Variants in MTF2 observed in about 807,000 individuals in gnomAD.
MTF2 encodes metal response element binding transcription factor 2.
A neutral mutation model predicts 79.5 loss-of-function variants in MTF2; 11 were observed. That is an observed-to-expected ratio of 0.14 (90% CI 0.09 to 0.23). The LOEUF (loss-of-function observed/expected upper bound fraction) is 0.23. Among genes scored for constraint, MTF2 ranks in the 10% least tolerant of loss-of-function variants. The pLI, the probability that MTF2 is intolerant of heterozygous loss-of-function variation, is 1.00. For synonymous variants in MTF2, 208 were observed against 232.8 expected (o/e 0.89, Z 0.97); for missense variants, 486 against 711.2 (o/e 0.68, Z 3.60).
At chr1:93,123,307 G>A (rs1571246842) in intron 9 of MTF2, among the ~76,000 whole-genome samples, 1 of 144,618 alleles carries the variant, frequency 6.9e-6, no homozygotes, top group Admixed American at 7.1e-5. Flanking sequence ...GAGTGCAATG[G>A]TACAGTCATA....
In MTF2 at chr1:93,086,153, A is replaced by G. The variant is rs575363463; in HGVS notation, c.5+6622A>G. Reference sequence around the variant, plus strand: ...CTGTATATGTAATCTGTCGTTGACCAAAGTTTTACTGTGTAGCACATGACT... The same window carrying G: ...CTGTATATGTAATCTGTCGTTGACCGAAGTTTTACTGTGTAGCACATGACT... On this transcript the variant is annotated intron_variant, in intron 1 of 14. Coordinates refer to ENST00000370298, the MANE Select transcript of MTF2 (RefSeq NM_007358.4). Among the ~76,000 whole-genome samples the G allele has an allele frequency of 1.1e-3, 170 of 152,306 alleles. 1 individual carries two copies. The highest frequency in any genetic ancestry group is 3.5e-3 in the African/African-American group (146 of 41,576).
intron 3 of MTF2, among the ~76,000 whole-genome samples, chr1:93,111,208 T>C (rs981932739): frequency 6.6e-6 from 1 of 152,316 alleles, no homozygotes; most frequent in East Asian, 1.9e-4. Context: ...TTTCATGCTT[T>C]TAGCATCTGC....
intron 1 of MTF2, among the ~76,000 whole-genome samples, chr1:93,096,313 T>C (rs573880601): frequency 6.6e-6 from 1 of 152,276 alleles, no homozygotes; most frequent in South Asian, 2.1e-4. Flanking sequence ...TCTTCTCATT[T>C]TCACTTCTCA....
At chr1:93,102,982 A>G (rs1172172471) in intron 1 of MTF2, among the ~76,000 whole-genome samples, 7 of 152,004 alleles carry the variant, frequency 4.6e-5, no homozygotes, top group Non-Finnish European at 1.0e-4. Context: ...TATGAAAAAA[A>G]TTAGCCGGGC....
intron 1 of MTF2, among the ~76,000 whole-genome samples, chr1:93,100,522 T>C (rs1451663900): frequency 3.9e-5 from 6 of 152,146 alleles, no homozygotes; most frequent in African/African-American, 1.4e-4. Context: ...TTAGCCAAGA[T>C]GGTCTTGCTC....
At chr1:93,090,664 GTTT>G (rs373876716) in intron 1 of MTF2, among the ~76,000 whole-genome samples, 1 of 139,144 alleles carries the variant, frequency 7.2e-6, no homozygotes. Context: ...ATTTTTCCTA[GTTT>G]TTTTTTTTTT....
At chr1:93,125,605 A>G (rs12064785) in intron 9 of MTF2, among the ~76,000 whole-genome samples, 24,854 of 151,926 alleles carry the variant, frequency 0.16, 2,264 homozygotes, top group African/African-American at 0.21. Context: ...AACAGCAGTT[A>G]TAAAATTCTG....
intron 8 of MTF2, chr1:93,120,301 G>GA (rs11414632): frequency 0.28 from 30,388 of 107,820 alleles, 2,811 homozygotes; most frequent in African/African-American, 0.43. Context: ...CTGTCTCCAA[G>GA]AAAAAAAAAA....
At chr1:93,120,998 C>T in intron 9 of MTF2, 7 of 1,043,294 alleles carry the variant, frequency 6.7e-6, no homozygotes, top group Non-Finnish European at 8.1e-6. Flanking sequence ...TGTAGTTCAA[C>T]CTCCTTTTCT....
In MTF2 at chr1:93,137,078, G is replaced by C. The variant is rs370706336; in HGVS notation, c.*51G>C. 1.9e-5 allele frequency: 27 copies of C among 1,432,868 alleles called. No individual in the cohort carries two copies. Among genetic ancestry groups the C allele is most frequent in the Non-Finnish European group, 2.6e-5 (27 of 1,037,668 alleles). The allele number at this position is 1,432,868 out of a possible 1,614,324, so 88.8% of individuals were successfully genotyped here. A position where few individuals can be genotyped will look rare whatever the true frequency, so the allele number is the denominator to read the frequency against. The stretch of plus-strand genomic sequence containing the variant: ...TGCACTCTGATTTTCTGTAGGTACA[G>C]TTCAAAGCCCTAAAGGAGTCTGGCT... On this transcript the variant is annotated 3_prime_UTR_variant, in exon 15 of 15. Transcript: ENST00000370298.
At chr1:93,089,701 C>T (rs1041517428) in intron 1 of MTF2, among the ~76,000 whole-genome samples, 20 of 152,106 alleles carry the variant, frequency 1.3e-4, no homozygotes, top group African/African-American at 4.8e-4. Context: ...TACATGCTCT[C>T]ACCGCTATGC....
chr1:93,087,896 T>C (rs555647024), intron 1 of MTF2, among the ~76,000 whole-genome samples: 1 of 152,206 alleles, frequency 6.6e-6, no homozygotes, highest in South Asian at 2.1e-4. Context: ...AGTCTTCCCT[T>C]CCTATTCTAT....
chr1:93,133,923 T>A lies in MTF2; in HGVS notation c.1267-5T>A. 1 of 1,568,848 alleles carries A rather than the reference T, an allele frequency of 6.4e-7. No homozygotes were observed. The highest frequency in any genetic ancestry group is 8.7e-7 in the Non-Finnish European group (1 of 1,144,154). On this transcript the variant is annotated splice_polypyrimidine_tract_variant and splice_region_variant and intron_variant, in intron 12 of 14. Transcript: ENST00000370298. ...ATGCTTTAAGTATATATTTTTATTT[T>A]CCAGGATAAGGAATCAATTTCAGAG...
intron 9 of MTF2, among the ~76,000 whole-genome samples, chr1:93,126,232 C>G (rs1194931776): frequency 6.6e-6 from 1 of 151,772 alleles, no homozygotes; most frequent in African/African-American, 2.4e-5. Context: ...GGGCTTATCA[C>G]TTGAGTTCAG....
chr1:93,127,297 C>A lies in MTF2; in HGVS notation c.987C>A (p.Thr329=), dbSNP rs772304738. 6.3e-7 allele frequency: 1 copy of A among 1,599,398 alleles called. No homozygotes were observed. Among genetic ancestry groups the A allele is most frequent in the Non-Finnish European group, 8.6e-7 (1 of 1,166,976 alleles). The part of the protein sequence containing the change: ...HVLEALNDYK[T]MFMSGKEIKK... ...TGGAGGCATTAAATGATTACAAGAC[C>A]ATGTAAGTTGATTTATTTTATGTAT... Residue 329 remains threonine (T), a splice_region_variant and synonymous_variant, in exon 10 of 15, where the codon ACC becomes ACA. Transcript: ENST00000370298.
Position 93,137,142 on chromosome 1 carries a change from A to T in MTF2, c.*115A>T. ...TTAAAAAAAAAAAAAAGTCAAAAAA[A>T]TTCAAAAAAGGGGATGATACTAGCC... On this transcript the variant is annotated 3_prime_UTR_variant, in exon 15 of 15. Coordinates refer to ENST00000370298, the MANE Select transcript of MTF2 (RefSeq NM_007358.4). The T allele has an allele frequency of 1.1e-6, 1 of 890,168 alleles. No individual in the cohort carries two copies. The highest frequency in any genetic ancestry group is 1.9e-5 in the South Asian group (1 of 53,010). 55.1% of individuals were successfully genotyped at this position (890,168 alleles called of 1,614,324 possible).
chr1:93,134,654 G>T (rs1647303725), intron 14 of MTF2, among the ~76,000 whole-genome samples: 1 of 151,758 alleles, frequency 6.6e-6, no homozygotes, highest in African/African-American at 2.4e-5. Context: ...CCTCTCTAGT[G>T]GCTGGGACTA....
intron 11 of MTF2, among the ~76,000 whole-genome samples, chr1:93,130,789 A>AT (rs1322650141): frequency 2.0e-5 from 3 of 152,206 alleles, no homozygotes; most frequent in Non-Finnish European, 4.4e-5. Flanking sequence ...AATGAATTAA[A>AT]TTTCTGAAAA....
chr1:93,098,183 A>G (rs1435669855), intron 1 of MTF2, among the ~76,000 whole-genome samples: 4 of 152,070 alleles, frequency 2.6e-5, no homozygotes, highest in Admixed American at 2.6e-4. Context: ...GTGCCTTTAC[A>G]TATGTTCCCT....
Sources: allele counts gnomAD v4.1 joint callset (sites outside exome capture counted in the v4.1 genomes callset), GRCh38; gene constraint gnomAD v4.1.1; transcripts MANE v1.5; gene names NCBI Gene and HGNC (gene_info 2026-07-23, HGNC 2026-07-21).